SFI1: variants seen among roughly 807,000 people sequenced by gnomAD.
SFI1 encodes the protein SFI1 centrin binding protein.
Under a neutral mutation model 207.5 loss-of-function variants are expected in SFI1, and 195 were observed. The observed-to-expected ratio is 0.94, with a 90% CI of 0.84 to 1.06. The LOEUF is 1.06. SFI1 is among the 50% of genes least tolerant of loss of function. The pLI is 0.00. For missense variants in SFI1, 1,634 were observed against 1,588.0 expected, an observed-to-expected ratio of 1.03 and a Z score of -0.49; for synonymous variants, 630 against 598.9, an observed-to-expected ratio of 1.05 and a Z score of -0.76.
intron 3 of SFI1, chr22:31,529,102 C>A (rs2058218148): frequency 2.4e-6 from 1 of 417,136 alleles, no homozygotes; most frequent in Non-Finnish European, 4.3e-6. Flanking sequence ...CAAGATTCTT[C>A]CAGAAAAAGT....
At chr22:31,616,469 C>T (rs904228056) in intron 29 of SFI1, 1 of 396,782 alleles carries the variant, frequency 2.5e-6, no homozygotes. Flanking sequence ...AGGCTAGGAA[C>T]AGCTGCTCAG....
At position 31,573,166 on chromosome 22, in the gene SFI1, G is replaced by A. The variant is rs750503268; in HGVS notation, c.874G>A (p.Ala292Thr). 6.2e-7 allele frequency: 1 copy of A among 1,614,060 alleles called. No individual in the cohort carries two copies. The highest frequency in any genetic ancestry group is 8.5e-7 in the Non-Finnish European group (1 of 1,180,010). ...QHWQKRRFLK[A>T]WLEYLQVRRV... ...CTGGCAAAAACGGAGATTTCTAAAG[G>A]CCTGGCTTGAATACCTGCAAGTCCG... is the stretch of plus-strand genomic sequence containing the variant. The change falls in exon 9 of 33, where the codon GCC becomes ACC. Residue 292 changes from alanine to threonine, a missense_variant. Ala to Thr is a moderately conservative substitution (Grantham distance 58). Transcript: ENST00000400288.
At chr22:31,532,071 T>G (rs1456065164) in intron 4 of SFI1, among the ~76,000 whole-genome samples, 1 of 150,956 alleles carries the variant, frequency 6.6e-6, no homozygotes, top group Admixed American at 6.6e-5. Context: ...AAAAAAAAAA[T>G]AAATGAATAA....
At chr22:31,580,832 C>T (rs1200350531) in intron 12 of SFI1, among the ~76,000 whole-genome samples, 1 of 152,052 alleles carries the variant, frequency 6.6e-6, no homozygotes, top group Non-Finnish European at 1.5e-5. Context: ...CGTGAGTCAC[C>T]ATGCTCGGCC....
chr22:31,581,482 G>A (rs940183088), intron 12 of SFI1, among the ~76,000 whole-genome samples: 1 of 151,868 alleles, frequency 6.6e-6, no homozygotes, highest in South Asian at 2.1e-4. Flanking sequence ...GTAGAGACGG[G>A]TTTTTCCCCA....
In SFI1 at chr22:31,606,353, A is replaced by G. The variant is rs1386040994; in HGVS notation, c.2080A>G (p.Asn694Asp). 2 of 1,613,756 alleles carry G rather than the reference A, an allele frequency of 1.2e-6. No individual in the cohort carries two copies. Among genetic ancestry groups the G allele is most frequent in the African/African-American group, 1.3e-5 (1 of 74,914 alleles). ...LRGALRRWKE[N>D]TMARVDEAKK... ...CGGGGCATTACGTCGCTGGAAAGAG[A>G]ACACCATGGCCCGAGTGGATGAAGC... The change falls in exon 21 of 33, where the codon AAC becomes GAC. Residue 694 changes from asparagine (N) to aspartate (D), a missense_variant. Physicochemically the swap from Asn to Asp is conservative, Grantham distance 23. Transcript: ENST00000400288.
intron 4 of SFI1, among the ~76,000 whole-genome samples, chr22:31,534,643 C>T (rs1221382630): frequency 6.6e-6 from 1 of 152,074 alleles, no homozygotes; most frequent in Non-Finnish European, 1.5e-5. Flanking sequence ...CCATCACTGT[C>T]CTATGGCTTC....
chr22:31,512,375 C>T (rs1039604929), intron 2 of SFI1, among the ~76,000 whole-genome samples: 2 of 150,834 alleles, frequency 1.3e-5, no homozygotes, highest in African/African-American at 2.4e-5. Context: ...AAAAAAATTA[C>T]ATGGTAAGAA....
Position 31,615,203 on chromosome 22 carries a change from C to CA in SFI1, c.3224_3225insA (p.Ala1076GlyfsTer34). On this transcript the variant is annotated frameshift_variant, in exon 29 of 33. Coordinates refer to ENST00000400288, the MANE Select transcript of SFI1 (RefSeq NM_001007467.3). LOFTEE classifies it high-confidence loss of function. ...GCCCCTGGCCCGAAGCAGCCCCCGA[C>CA]GGCAAGCACAGGCCCGGAGCTGCTG... 1 of 1,580,550 alleles carries CA rather than the reference C, an allele frequency of 6.3e-7. No homozygotes were observed. The highest frequency in any genetic ancestry group is 8.6e-7 in the Non-Finnish European group (1 of 1,167,510).
intron 6 of SFI1, among the ~76,000 whole-genome samples, chr22:31,551,403 G>A (rs2060607404): frequency 6.6e-6 from 1 of 152,110 alleles, no homozygotes; most frequent in Admixed American, 6.6e-5. Flanking sequence ...CCAGCCCAGT[G>A]ATCTTTCCCC....
intron 12 of SFI1, among the ~76,000 whole-genome samples, 178 bp downstream of exon 12, chr22:31,580,542 C>CTTTTTTTTT (rs11347645): frequency 1.4e-4 from 17 of 117,280 alleles, no homozygotes; most frequent in East Asian, 5.3e-4. Flanking sequence ...CTTTTCTTTT[C>CTTTTTTTTT]TTTTTTTTTT....
intron 4 of SFI1, among the ~76,000 whole-genome samples, chr22:31,546,421 C>T (rs530285763): frequency 3.9e-5 from 6 of 152,160 alleles, no homozygotes; most frequent in Non-Finnish European, 8.8e-5. Flanking sequence ...ACCTCTGCCT[C>T]CCGGGTTCAA....
intron 22 of SFI1, among the ~76,000 whole-genome samples, chr22:31,609,735 T>C (rs763934997): frequency 1.3e-5 from 2 of 152,222 alleles, no homozygotes; most frequent in African/African-American, 2.4e-5. Context: ...GAGCTTCTCC[T>C]CAGCTCAGAA....
chr22:31,540,635 C>A (rs995692605), intron 4 of SFI1, among the ~76,000 whole-genome samples: 5 of 150,080 alleles, frequency 3.3e-5, no homozygotes, highest in African/African-American at 1.2e-4. Context: ...GGCTGGAGTG[C>A]AATGGCATGA....
Position 31,533,748 on chromosome 22 carries a change from A to C in SFI1, c.338+2619A>C, listed in dbSNP as rs1341876588. On this transcript the variant is annotated intron_variant, in intron 4 of 32. Coordinates refer to ENST00000400288, the MANE Select transcript of SFI1 (RefSeq NM_001007467.3). ...GCATGTCATCCTTCACTGCCTTGGT[A>C]GCTCTTCAGTGCCTTAAATAAATTT... Among the ~76,000 whole-genome samples the C allele has an allele frequency of 3.3e-5, 5 of 152,118 alleles. No homozygotes were observed. In the East Asian group the frequency reaches 9.6e-4, roughly 29 times the overall value.
intron 1 of SFI1, among the ~76,000 whole-genome samples, chr22:31,501,032 C>G (rs945143180): frequency 6.7e-6 from 1 of 149,354 alleles, no homozygotes; most frequent in African/African-American, 2.5e-5. Context: ...CTCCTGACCC[C>G]GTGACCCACC....
At chr22:31,530,740 G>A in intron 3 of SFI1, 1 of 411,302 alleles carries the variant, frequency 2.4e-6, no homozygotes, top group Non-Finnish European at 4.9e-6. Context: ...GGCATTTGCC[G>A]GCCATTTTAG....
chr22:31,567,833 A>G (rs913919805), intron 8 of SFI1, among the ~76,000 whole-genome samples: 4 of 152,226 alleles, frequency 2.6e-5, no homozygotes, highest in East Asian at 3.8e-4. Flanking sequence ...GTTTGTGGCA[A>G]TGACTACACA....
chr22:31,509,001 T>C (rs1280944870), intron 2 of SFI1, among the ~76,000 whole-genome samples: 1 of 152,216 alleles, frequency 6.6e-6, no homozygotes, highest in African/African-American at 2.4e-5. Flanking sequence ...TGAATGTTAA[T>C]GGATTTTGTC....
Sources: gnomAD v4.1 joint callset for allele counts (sites outside exome capture counted in the v4.1 genomes callset) on GRCh38, gnomAD v4.1.1 for gene constraint, MANE v1.5 for transcripts, NCBI Gene and HGNC (gene_info 2026-07-23, HGNC 2026-07-21) for gene names.